ATP11A: variants seen among roughly 807,000 people sequenced by gnomAD.
The protein encoded by ATP11A is phospholipid-transporting ATPase IH.
In ATP11A, 81 loss-of-function variants were observed where a neutral mutation model predicts 154.4. That is an observed-to-expected ratio of 0.52 (90% CI 0.44 to 0.63). ATP11A has a LOEUF of 0.63. Ranked by LOEUF, ATP11A falls within the 30% of genes least tolerant of loss-of-function variation. The pLI, the probability that ATP11A is intolerant of heterozygous loss-of-function variation, is 0.00. For missense variants in ATP11A, 1,316 were observed against 1,474.3 expected (o/e 0.89, Z 1.76); for synonymous variants, 623 against 585.9 (o/e 1.06, Z -0.91).
chr13:112,769,873 C>T (rs891618064), intron 1 of ATP11A, among the ~76,000 whole-genome samples: 2 of 152,226 alleles, frequency 1.3e-5, no homozygotes, highest in African/African-American at 2.4e-5. Flanking sequence ...TGCCATCCCA[C>T]GCGGCTGTAA....
At chr13:112,811,628 CAG>C (rs1243044455) in intron 5 of ATP11A, 2 of 152,104 alleles carry the variant, frequency 1.3e-5, no homozygotes, top group African/African-American at 2.4e-5. Context: ...TTTTAAGAGA[CAG>C]AGTCTTGCTC....
intron 1 of ATP11A, among the ~76,000 whole-genome samples, chr13:112,736,189 C>G (rs1419960308): frequency 2.0e-5 from 3 of 152,226 alleles, no homozygotes; most frequent in African/African-American, 7.2e-5. Context: ...ACTGTTTGAA[C>G]TTGACCCTAT....
At position 112,690,301 on chromosome 13, in the gene ATP11A, CGCCGAG is replaced by C; in HGVS notation, c.-111_-106del. ...CGGCCGCCCCCTGCACCGCCCGGCG[CGCCGAG>C]GCCGTGACCGGAGCGGGGGGCGCGG... On this transcript the variant is annotated 5_prime_UTR_variant, in exon 1 of 30. Coordinates refer to ENST00000375645, the MANE Select transcript of ATP11A (RefSeq NM_015205.3). This position sits in a 1 kb window ranked among gnomAD's most constrained non-coding sequence, Gnocchi z 5.6. 1.3e-6 allele frequency: 1 copy of C among 753,952 alleles called. No homozygotes were observed. The highest frequency in any genetic ancestry group is 6.1e-5 in the South Asian group (1 of 16,390). The allele number at this position is 753,952 out of a possible 1,614,324, so 46.7% of individuals were successfully genotyped here.
intron 11 of ATP11A, 60 bp downstream of exon 11, chr13:112,825,640 A>G: frequency 2.0e-6 from 3 of 1,516,146 alleles, no homozygotes; most frequent in Non-Finnish European, 2.7e-6. Flanking sequence ...TATTACGAAA[A>G]TGTGGTGCAA....
At chr13:112,828,590 G>A (rs998521966) in intron 12 of ATP11A, among the ~76,000 whole-genome samples, 1 of 152,014 alleles carries the variant, frequency 6.6e-6, no homozygotes, top group Admixed American at 6.6e-5. Flanking sequence ...GTGCCCAGCG[G>A]TGTTGAGTGC....
At chr13:112,823,145 C>T (rs2078843505) in intron 8 of ATP11A, among the ~76,000 whole-genome samples, 200 bp from the exon 9 acceptor site, 1 of 152,202 alleles carries the variant, frequency 6.6e-6, no homozygotes, top group Non-Finnish European at 1.5e-5. Context: ...TGTGTTCGTC[C>T]CCCAAAGATA....
chr13:112,750,684 C>G (rs1477419800), intron 1 of ATP11A, among the ~76,000 whole-genome samples: 1 of 152,244 alleles, frequency 6.6e-6, no homozygotes, highest in Non-Finnish European at 1.5e-5. Context: ...GTCTTTCAGT[C>G]CACTTTGCTC....
intron 24 of ATP11A, chr13:112,860,889 T>G (rs2080081949): frequency 6.5e-6 from 1 of 153,906 alleles, no homozygotes; most frequent in Non-Finnish European, 1.4e-5. Flanking sequence ...CCCCCCAAGG[T>G]CTCTGGCAGA....
chr13:112,702,470 G>A lies in ATP11A; in HGVS notation c.39+12015G>A, dbSNP rs1295316248. Among the ~76,000 whole-genome samples, 12 of 152,384 alleles carry A rather than the reference G, an allele frequency of 7.9e-5. No individual in the cohort carries two copies. In the East Asian group the frequency reaches 2.3e-3, roughly 29 times the overall value. On this transcript the variant is annotated intron_variant, in intron 1 of 29. Transcript: ENST00000375645. ...GCCTCGGAAGGCGTGCACACGGGGG[G>A]TGCGTGATGGTGTCTCCCTCTGCCC...
At chr13:112,812,507 C>T (rs924977469) in intron 5 of ATP11A, among the ~76,000 whole-genome samples, 1 of 152,162 alleles carries the variant, frequency 6.6e-6, no homozygotes, top group Non-Finnish European at 1.5e-5. Flanking sequence ...GAGGGAGGGC[C>T]TCCAAGCAGC....
chr13:112,837,729 G>A (rs930763329), intron 16 of ATP11A, among the ~76,000 whole-genome samples: 4 of 152,136 alleles, frequency 2.6e-5, no homozygotes, highest in Admixed American at 6.5e-5. Context: ...AAGATGTGCC[G>A]AGTTTAATTT....
chr13:112,881,349 G>C, intron 29 of ATP11A: 2 of 1,015,498 alleles, frequency 2.0e-6, no homozygotes, highest in Non-Finnish European at 2.4e-6. Context: ...TGCAAGCTGG[G>C]CACGTCCAGT....
intron 18 of ATP11A, among the ~76,000 whole-genome samples, chr13:112,853,135 G>A (rs756059270): frequency 6.8e-4 from 104 of 152,046 alleles, no homozygotes; most frequent in Non-Finnish European, 3.2e-4. Flanking sequence ...AGGGAGGATC[G>A]CTTGAGCCCA....
chr13:112,784,741 T>C lies in ATP11A; in HGVS notation c.40-394T>C, dbSNP rs185676270. Among the ~76,000 whole-genome samples the C allele has an allele frequency of 9.3e-4, 142 of 152,278 alleles. 1 individual carries two copies. The highest frequency in any genetic ancestry group is 1.8e-3 in the Admixed American group (28 of 15,296). On this transcript the variant is annotated intron_variant, in intron 1 of 29. Transcript: ENST00000375645. ...GGTTTCACCGTGTTAGCCAGGATGG[T>C]CTCCATCTCCTGACCTCGTGATCCG...
At chr13:112,810,849 T>C in intron 5 of ATP11A, 123 bp downstream of exon 5, 2 of 821,668 alleles carry the variant, frequency 2.4e-6, no homozygotes, top group Non-Finnish European at 3.9e-6. Flanking sequence ...GGCAGGAGGA[T>C]CGCTGAGCCT....
Position 112,862,555 on chromosome 13 carries a change from A to G in ATP11A, c.2971A>G (p.Thr991Ala), listed in dbSNP as rs2080143891. 1.2e-6 allele frequency: 2 copies of G among 1,614,176 alleles called. No individual in the cohort carries two copies. The highest frequency in any genetic ancestry group is 1.3e-5 in the African/African-American group (1 of 75,048). Residue 991 changes from threonine (T) to alanine (A), a missense_variant, in exon 25 of 30, where the codon ACT becomes GCT. Physicochemically the swap from Thr to Ala is moderately conservative, Grantham distance 58. Coordinates refer to ENST00000375645, the MANE Select transcript of ATP11A (RefSeq NM_015205.3). ...FGAYFVFENTTVTSNGQIFGN... is the reference protein window; with the variant it reads ...FGAYFVFENTAVTSNGQIFGN... ...TGCTTATTTCGTGTTTGAAAATACA[A>G]CTGTGACAAGCAACGGGCAGGTCAG...
chr13:112,707,019 A>G (rs1887213610), intron 1 of ATP11A, among the ~76,000 whole-genome samples: 1 of 152,244 alleles, frequency 6.6e-6, no homozygotes, highest in African/African-American at 2.4e-5. Flanking sequence ...CGAGTTAAGA[A>G]TGGGTTGTAA....
intron 28 of ATP11A, 31 bp from the exon 29 acceptor site, chr13:112,878,184 CCT>C (rs750253519): frequency 2.3e-5 from 37 of 1,593,562 alleles, no homozygotes; most frequent in African/African-American, 5.4e-5. Flanking sequence ...TTCACACACC[CCT>C]GTGTGCGTGG....
Position 112,826,706 on chromosome 13 carries a change from T to G in ATP11A, c.1036T>G (p.Phe346Val). 2 of 1,614,206 alleles carry G rather than the reference T, an allele frequency of 1.2e-6. No homozygotes were observed. Among genetic ancestry groups the G allele is most frequent in the Non-Finnish European group, 1.7e-6 (2 of 1,180,040 alleles). ...TCTGCTCTTGCAGTTCCTCAAGGCA[T>G]TCACGGACTTCCTGGCCTTCATGGT... ...ERQRNLFLKAFTDFLAFMVLF... is the reference protein window; with the variant it reads ...ERQRNLFLKAVTDFLAFMVLF... Residue 346 changes from phenylalanine to valine, a missense_variant, in exon 12 of 30, where the codon TTC becomes GTC. Phe to Val is a conservative substitution (Grantham distance 50). Coordinates refer to ENST00000375645, the MANE Select transcript of ATP11A (RefSeq NM_015205.3).
Sources: gnomAD v4.1 joint callset for allele counts (sites outside exome capture counted in the v4.1 genomes callset) on GRCh38, gnomAD v4.1.1 for gene constraint, Gnocchi (gnomAD v3.1) non-coding constraint, MANE v1.5 for transcripts, NCBI Gene and HGNC (gene_info 2026-07-23, HGNC 2026-07-21) for gene names.